The following IL1RAPL2 variants were observed in gnomAD, a reference collection of about 807,000 sequenced individuals.
IL1RAPL2 encodes interleukin 1 receptor accessory protein like 2, also known as X-linked interleukin-1 receptor accessory protein-like 2.
Under a neutral mutation model 44.1 loss-of-function variants are expected in IL1RAPL2, and 3 were observed. That is an observed-to-expected ratio of 0.07 (90% confidence interval 0.03 to 0.18). The LOEUF is 0.18. Ranked by LOEUF, IL1RAPL2 falls within the 10% of genes least tolerant of loss-of-function variation. The pLI is 1.00. For missense variants in IL1RAPL2, 391 were observed against 496.4 expected (o/e 0.79, Z 2.02); for synonymous variants, 181 against 178.8 (o/e 1.01, Z -0.10).
chrX:105,502,535 A>G (rs2036402628), intron 6 of IL1RAPL2, among the ~76,000 whole-genome samples: 2 of 111,155 alleles, frequency 1.8e-5, no homozygotes, highest in South Asian at 7.5e-4. Flanking sequence ...CAACACACTC[A>G]TGGAAGGTAT....
At chrX:104,727,826 A>C (rs1297142847) in intron 2 of IL1RAPL2, among the ~76,000 whole-genome samples, 15 of 110,260 alleles carry the variant, frequency 1.4e-4, no homozygotes, top group Non-Finnish European at 2.7e-4. Context: ...CATGGATGGA[A>C]CAGGAGGCCA....
chrX:105,018,673 A>G (rs983894655), intron 2 of IL1RAPL2, among the ~76,000 whole-genome samples: 1 of 111,452 alleles, frequency 9.0e-6, no homozygotes, highest in Non-Finnish European at 1.9e-5. Context: ...ACGATAACAA[A>G]TAGTATTATT....
intron 3 of IL1RAPL2, among the ~76,000 whole-genome samples, chrX:105,226,301 A>G (rs781879756): frequency 1.8e-4 from 20 of 108,714 alleles, no homozygotes; most frequent in Non-Finnish European, 2.3e-4. Context: ...GGTGTCTTCT[A>G]CCAGCTTCCA....
intron 2 of IL1RAPL2, among the ~76,000 whole-genome samples, chrX:104,837,331 T>G (rs745878749): frequency 3.1e-4 from 35 of 111,504 alleles, no homozygotes; most frequent in Non-Finnish European, 5.8e-4. Flanking sequence ...TTGAACTAAT[T>G]TACACTCCCA....
At chrX:105,232,848 C>CT (rs1331404321) in intron 3 of IL1RAPL2, among the ~76,000 whole-genome samples, 1 of 111,848 alleles carries the variant, frequency 8.9e-6, no homozygotes, top group African/African-American at 3.2e-5. Context: ...CTAAAGTGGC[C>CT]TTATGATAAC....
intron 2 of IL1RAPL2, among the ~76,000 whole-genome samples, chrX:105,032,811 A>G (rs2031535528): frequency 9.0e-6 from 1 of 111,112 alleles, no homozygotes; most frequent in South Asian, 3.8e-4. Flanking sequence ...GATCTGTCTA[A>G]TGTTGACAGT....
intron 6 of IL1RAPL2, among the ~76,000 whole-genome samples, chrX:105,563,336 T>A (rs1333301058): frequency 1.8e-5 from 2 of 111,495 alleles, no homozygotes; most frequent in Non-Finnish European, 3.8e-5. Context: ...AATCCCATCC[T>A]TGTAGTCACT....
chrX:104,647,630 G>A (rs966815560), intron 1 of IL1RAPL2: 9 of 536,869 alleles, frequency 1.7e-5, no homozygotes, highest in African/African-American at 4.5e-5. Flanking sequence ...GAGGATCTTG[G>A]TAGTGATGGA....
At chrX:105,696,548 C>CA (rs751870916) in intron 6 of IL1RAPL2, among the ~76,000 whole-genome samples, 8 of 111,550 alleles carry the variant, frequency 7.2e-5, no homozygotes, top group South Asian at 3.7e-4. Flanking sequence ...CCACCCCCCC[C>CA]ACAAAAGTAA....
At chrX:104,763,826 G>T (rs1199080658) in intron 2 of IL1RAPL2, among the ~76,000 whole-genome samples, 2 of 111,224 alleles carry the variant, frequency 1.8e-5, no homozygotes, top group African/African-American at 3.3e-5. Flanking sequence ...CATGACACGT[G>T]GGGATTATGA....
intron 6 of IL1RAPL2, among the ~76,000 whole-genome samples, chrX:105,487,541 C>G (rs1365944239): frequency 8.9e-6 from 1 of 112,140 alleles, no homozygotes; most frequent in Non-Finnish European, 1.9e-5. Context: ...CCCAGAAAGG[C>G]TGTTACTCTG....
rs191244591 is a variant in IL1RAPL2, at chrX:104,566,276, C to A, written c.-795C>A. ...CTCCCACTACCCTCCCACCCGCACT[C>A]CAGGCATATTTTGGAGGCGGCAGCA... On this transcript the variant is annotated 5_prime_UTR_variant, in exon 1 of 11. Transcript: ENST00000372582. 2 of 112,785 alleles carry A rather than the reference C, an allele frequency of 1.8e-5. No homozygotes were observed. Among genetic ancestry groups the A allele is most frequent in the Non-Finnish European group, 3.7e-5 (2 of 53,363 alleles). The allele number at this position is 112,785 out of a possible 1,213,427, so 9.3% of individuals were successfully genotyped here.
chrX:105,339,667 G>A (rs757907088), intron 5 of IL1RAPL2, among the ~76,000 whole-genome samples: 74 of 111,668 alleles, frequency 6.6e-4, no homozygotes, highest in Non-Finnish European at 1.1e-3. Flanking sequence ...GAAACTACCT[G>A]TCTGCTCAAA....
rs540970535 is a variant in IL1RAPL2 at position 105,607,876 on chromosome X, C to A, written c.773-109491C>A. Among the ~76,000 whole-genome samples, 40 of 110,124 alleles carry A rather than the reference C, an allele frequency of 3.6e-4. No homozygotes were observed. The South Asian group carries it at 0.015, about 41-fold the overall frequency. On this transcript the variant is annotated intron_variant, in intron 6 of 10. Transcript: ENST00000372582. ...TTGTTTAAAAGATTCTGGAATTATT[C>A]TTGAAGCAGAGGAGAGTTACTGAAG...
intron 2 of IL1RAPL2, among the ~76,000 whole-genome samples, chrX:104,671,889 G>A (rs1930611643): frequency 9.0e-6 from 1 of 111,332 alleles, no homozygotes; most frequent in Admixed American, 9.6e-5. Context: ...TTGACAAGGA[G>A]GATTTATCAG....
intron 6 of IL1RAPL2, among the ~76,000 whole-genome samples, chrX:105,698,222 C>G (rs1181066212): frequency 9.0e-6 from 1 of 111,529 alleles, no homozygotes; most frequent in Non-Finnish European, 1.9e-5. Flanking sequence ...TAACACTCTG[C>G]ACTTTGCAAA....
At chrX:104,632,552 C>T (rs1929676001) in intron 1 of IL1RAPL2, among the ~76,000 whole-genome samples, 1 of 108,391 alleles carries the variant, frequency 9.2e-6, no homozygotes, top group South Asian at 4.1e-4. Flanking sequence ...TGAAGAGGTC[C>T]TTCACATCCC....
chrX:104,747,228 A>T (rs1341211537), intron 2 of IL1RAPL2, among the ~76,000 whole-genome samples: 1 of 111,023 alleles, frequency 9.0e-6, no homozygotes, highest in Non-Finnish European at 1.9e-5. Context: ...CATCTGCTCC[A>T]TGGAGACTTT....
Position 104,993,466 on chromosome X carries a change from T to A in IL1RAPL2, c.83-202009T>A, listed in dbSNP as rs1210219124. Among the ~76,000 whole-genome samples the A allele has an allele frequency of 1.1e-4, 12 of 111,964 alleles. No individual in the cohort carries two copies. In the Admixed American group the frequency reaches 1.1e-3, roughly 11 times the overall value. On this transcript the variant is annotated intron_variant, in intron 2 of 10. Transcript: ENST00000372582. ...CAAACAGCTAATCAATCTTTGGTTG[T>A]GCACTATTATTTAAGAGGGAAAATT...
Sources: gnomAD v4.1 joint callset for allele counts (sites outside exome capture counted in the v4.1 genomes callset) on GRCh38, gnomAD v4.1.1 for gene constraint, MANE v1.5 for transcripts, NCBI Gene and HGNC (gene_info 2026-07-23, HGNC 2026-07-21) for gene names.